TEK: variants seen among roughly 807,000 people sequenced by gnomAD.
The protein encoded by TEK is angiopoietin-1 receptor.
A neutral mutation model predicts 131.8 loss-of-function variants in TEK; 43 were observed. That is an observed-to-expected ratio of 0.33 (90% CI 0.26 to 0.42). TEK has a LOEUF of 0.42. TEK is among the 10% of genes least tolerant of loss of function. The pLI is 1.00. For synonymous variants in TEK, 580 were observed against 491.6 expected, an observed-to-expected ratio of 1.18 and a Z score of -2.38; for missense variants, 1,162 against 1,384.4, an observed-to-expected ratio of 0.84 and a Z score of 2.55.
intron 18 of TEK, among the ~76,000 whole-genome samples, chr9:27,214,875 A>T (rs907398517): frequency 6.6e-6 from 1 of 152,006 alleles, no homozygotes; most frequent in African/African-American, 2.4e-5. Flanking sequence ...TTTTCTCCCT[A>T]ACCTTTTCAG....
chr9:27,206,671 G>C lies in TEK; in HGVS notation c.2454G>C (p.Val818=), dbSNP rs55789591. Residue 818 remains valine, a synonymous_variant, in exon 15 of 23, where the codon GTG becomes GTC. Transcript: ENST00000380036. ...KNNPDPTIYP[V]LDWNDIKFQD... ...ACCCAGATCCTACAATTTATCCAGTGCTTGACTGGAATGACATCAAATTTC... is the reference window on the plus strand; with the variant it reads ...ACCCAGATCCTACAATTTATCCAGTCCTTGACTGGAATGACATCAAATTTC... The C allele has an allele frequency of 0.016, 25,490 of 1,614,004 alleles. 276 individuals are homozygous for C. Among genetic ancestry groups the C allele is most frequent in the Middle Eastern group, 0.031 (186 of 6,062 alleles).
intron 12 of TEK, among the ~76,000 whole-genome samples, chr9:27,201,832 A>T (rs692946): frequency 6.6e-6 from 1 of 151,806 alleles, no homozygotes; most frequent in Admixed American, 6.6e-5. Context: ...CTACTGGGAC[A>T]AGTACAAACC....
chr9:27,141,670 A>C (rs867623674), intron 1 of TEK, among the ~76,000 whole-genome samples: 24 of 152,296 alleles, frequency 1.6e-4, no homozygotes, highest in African/African-American at 4.3e-4. Context: ...ATTTTTAAAA[A>C]ATATTTTCTC....
intron 12 of TEK, among the ~76,000 whole-genome samples, chr9:27,198,785 TTTTAA>T (rs1329877568): frequency 2.0e-5 from 3 of 152,222 alleles, no homozygotes; most frequent in Non-Finnish European, 4.4e-5. Context: ...GTTAAGTATA[TTTTAA>T]TTTAATGTTG....
At chr9:27,227,436 C>T (rs769584048) in intron 21 of TEK, among the ~76,000 whole-genome samples, 10 of 152,152 alleles carry the variant, frequency 6.6e-5, no homozygotes, top group South Asian at 2.1e-4. Context: ...TAGTCATTTC[C>T]GGCTGCTGTA....
intron 1 of TEK, among the ~76,000 whole-genome samples, chr9:27,139,949 G>T (rs1356975198): frequency 6.6e-6 from 1 of 152,038 alleles, no homozygotes; most frequent in Non-Finnish European, 1.5e-5. Flanking sequence ...CCCCTGTCCT[G>T]CCACCTTGGC....
At chr9:27,121,695 A>C (rs369638888) in intron 1 of TEK, among the ~76,000 whole-genome samples, 21 of 152,182 alleles carry the variant, frequency 1.4e-4, no homozygotes, top group African/African-American at 5.1e-4. Flanking sequence ...AAAAAAAGTT[A>C]ATTTAAATAT....
At chr9:27,206,929 A>T in intron 15 of TEK, 137 bp downstream of exon 15, 1 of 971,852 alleles carries the variant, frequency 1.0e-6, no homozygotes, top group Non-Finnish European at 1.6e-6. Context: ...ACTGAAGGTT[A>T]TGCTTCCTTT....
chr9:27,133,147 C>T (rs762798902), intron 1 of TEK, among the ~76,000 whole-genome samples: 12 of 152,090 alleles, frequency 7.9e-5, no homozygotes, highest in African/African-American at 1.2e-4. Flanking sequence ...TTCTTTTCTC[C>T]GGACCTCCTC....
intron 6 of TEK, among the ~76,000 whole-genome samples, chr9:27,176,477 T>C (rs961459726): frequency 2.0e-5 from 3 of 152,236 alleles, no homozygotes; most frequent in Non-Finnish European, 4.4e-5. Context: ...CCTTTATGCT[T>C]ATTAATAGTT....
chr9:27,119,281 G>C (rs651728), intron 1 of TEK, among the ~76,000 whole-genome samples: 98,599 of 151,970 alleles, frequency 0.65, 32,609 homozygotes, highest in East Asian at 0.92. Flanking sequence ...GAAAATGAAG[G>C]TAACAGCATT....
At chr9:27,224,370 G>GATGT (rs879546789) in intron 21 of TEK, among the ~76,000 whole-genome samples, 83 of 151,978 alleles carry the variant, frequency 5.5e-4, no homozygotes, top group Admixed American at 2.6e-3. Context: ...ATAAAATACT[G>GATGT]GGAAACAGAA....
chr9:27,172,066 A>G (rs1198910018), intron 4 of TEK, among the ~76,000 whole-genome samples: 1 of 152,198 alleles, frequency 6.6e-6, no homozygotes, highest in Non-Finnish European at 1.5e-5. Context: ...ACTGAACACA[A>G]CACTTCTGAC....
chr9:27,113,387 A>C (rs1821423045), intron 1 of TEK, among the ~76,000 whole-genome samples: 2 of 152,064 alleles, frequency 1.3e-5, no homozygotes, highest in African/African-American at 4.8e-5. Context: ...TCAAGAGATC[A>C]AGACCATCCT....
At position 27,228,245 on chromosome 9, in the gene TEK, T is replaced by G; in HGVS notation, c.3240T>G (p.Tyr1080Ter). The G allele has an allele frequency of 6.2e-7, 1 of 1,613,160 alleles. No individual in the cohort carries two copies. The highest frequency in any genetic ancestry group is 8.5e-7 in the Non-Finnish European group (1 of 1,179,286). The change falls in exon 22 of 23, where the codon TAT becomes TAG. Residue 1080 changes from tyrosine to a stop codon, truncating the protein, a stop_gained. Transcript: ENST00000380036. LOFTEE classifies it high-confidence loss of function. ...LMRQCWREKP[Y>*]ERPSFAQILV... ...GACAATGCTGGCGGGAGAAGCCTTA[T>G]GAGAGGCCATCATTTGCCCAGATAT...
intron 1 of TEK, among the ~76,000 whole-genome samples, chr9:27,132,318 C>A (rs1822258784): frequency 6.6e-6 from 1 of 151,956 alleles, no homozygotes; most frequent in African/African-American, 2.4e-5. Context: ...GAACTCCTGA[C>A]CTTGTGATTT....
At chr9:27,221,450 T>G (rs1200259090) in intron 21 of TEK, among the ~76,000 whole-genome samples, 1 of 130,834 alleles carries the variant, frequency 7.6e-6, no homozygotes, top group East Asian at 2.8e-4. Context: ...CTCATGTGGG[T>G]CCCTGACCCG....
At chr9:27,190,818 TTC>T in intron 10 of TEK, 128 bp downstream of exon 10, 4 of 1,368,640 alleles carry the variant, frequency 2.9e-6, no homozygotes, top group Non-Finnish European at 3.1e-6. Flanking sequence ...TTGCAGAGGA[TTC>T]TGTTTCAGAG....
chr9:27,145,326 G>A (rs1822874667), intron 1 of TEK, among the ~76,000 whole-genome samples: 1 of 152,212 alleles, frequency 6.6e-6, no homozygotes, highest in South Asian at 2.1e-4. Flanking sequence ...TGATCGGCCT[G>A]TTTCCTGCCC....
Sources: gnomAD v4.1 joint callset for allele counts (sites outside exome capture counted in the v4.1 genomes callset) on GRCh38, gnomAD v4.1.1 for gene constraint, MANE v1.5 for transcripts, NCBI Gene and HGNC (gene_info 2026-07-23, HGNC 2026-07-21) for gene names.